Variants in TRAF5 observed in about 807,000 individuals in gnomAD.
TRAF5 encodes the protein TNF receptor-associated factor 5.
Under a neutral mutation model 64.5 loss-of-function variants are expected in TRAF5, and 48 were observed. That is an observed-to-expected ratio of 0.74 (90% CI 0.59 to 0.95). TRAF5 has a LOEUF of 0.95. Ranked by LOEUF, TRAF5 falls within the 40% of genes least tolerant of loss-of-function variation. The probability of loss-of-function intolerance (pLI) is 0.00; values close to 1 mark genes in which losing one functional copy is unlikely to be tolerated. For synonymous variants in TRAF5, 206 were observed against 240.5 expected (o/e 0.86, Z 1.33); for missense variants, 545 against 662.8 (o/e 0.82, Z 1.95).
intron 1 of TRAF5, among the ~76,000 whole-genome samples, chr1:211,331,416 G>A (rs936949780): frequency 1.3e-5 from 2 of 152,208 alleles, no homozygotes; most frequent in African/African-American, 4.8e-5. Flanking sequence ...CATAGTGTCT[G>A]TATTCCCACT....
intron 7 of TRAF5, 101 bp downstream of exon 7, chr1:211,361,263 C>T (rs563287022): frequency 4.9e-5 from 52 of 1,058,844 alleles, no homozygotes; most frequent in Non-Finnish European, 5.1e-5. Context: ...GAAAGACATA[C>T]AGTTCTGAGA....
chr1:211,326,770 C>T (rs571265953), upstream of TRAF5: 3 of 984,824 alleles, frequency 3.0e-6, no homozygotes, highest in African/African-American at 5.3e-5. This position sits in a 1 kb window ranked among gnomAD's most constrained non-coding sequence, Gnocchi z 5.0. Context: ...CGCGCCCCTC[C>T]GCCCGCGCCC....
At chr1:211,364,858 T>C (rs1703298401) in intron 7 of TRAF5, among the ~76,000 whole-genome samples, 1 of 152,062 alleles carries the variant, frequency 6.6e-6, no homozygotes. Flanking sequence ...CCTGATTCTC[T>C]GTCTCATGGA....
intron 1 of TRAF5, among the ~76,000 whole-genome samples, chr1:211,348,425 A>C (rs1572067922): frequency 6.6e-6 from 1 of 152,234 alleles, no homozygotes; most frequent in East Asian, 1.9e-4. Context: ...GGGGTCCTCC[A>C]TTAAAAAAAG....
At chr1:211,362,808 C>T (rs1408924432) in intron 7 of TRAF5, among the ~76,000 whole-genome samples, 3 of 152,036 alleles carry the variant, frequency 2.0e-5, no homozygotes, top group African/African-American at 7.2e-5. Flanking sequence ...TTAAAAAATA[C>T]CATAAAGTCA....
chr1:211,361,478 G>A (rs577651994), intron 7 of TRAF5, among the ~76,000 whole-genome samples: 1 of 152,006 alleles, frequency 6.6e-6, no homozygotes, highest in Non-Finnish European at 1.5e-5. Flanking sequence ...TTTTCTTCAG[G>A]AAACCTTAGT....
chr1:211,334,218 T>C (rs571082512), intron 1 of TRAF5, among the ~76,000 whole-genome samples: 15 of 152,304 alleles, frequency 9.8e-5, no homozygotes, highest in African/African-American at 3.1e-4. Context: ...CAGCAGTGCA[T>C]TGTGACAGCA....
At chr1:211,347,681 A>G (rs139850924) in intron 1 of TRAF5, among the ~76,000 whole-genome samples, 10 of 152,334 alleles carry the variant, frequency 6.6e-5, no homozygotes, top group Non-Finnish European at 1.2e-4. Context: ...TGAGAGTCAC[A>G]TGTGCTGTGT....
intron 7 of TRAF5, among the ~76,000 whole-genome samples, chr1:211,362,691 G>A (rs958258103): frequency 8.1e-4 from 123 of 151,720 alleles, no homozygotes; most frequent in African/African-American, 2.9e-3. Flanking sequence ...ATAAACAAAC[G>A]AAAAAACCCC....
At chr1:211,344,111 G>A (rs1233665535) in intron 1 of TRAF5, among the ~76,000 whole-genome samples, 1 of 152,174 alleles carries the variant, frequency 6.6e-6, no homozygotes, top group Non-Finnish European at 1.5e-5. Flanking sequence ...TCCACTAAAG[G>A]CATCTCTGTA....
intron 1 of TRAF5, among the ~76,000 whole-genome samples, chr1:211,344,587 G>A (rs984623158): frequency 6.6e-6 from 1 of 152,124 alleles, no homozygotes; most frequent in Non-Finnish European, 1.5e-5. Flanking sequence ...CAAGGCCTTC[G>A]TCTTTGACCT....
At chr1:211,341,217 G>A (rs1702440395) in intron 1 of TRAF5, among the ~76,000 whole-genome samples, 1 of 152,196 alleles carries the variant, frequency 6.6e-6, no homozygotes, top group Non-Finnish European at 1.5e-5. Context: ...GCAGAAGGCT[G>A]ACCTAGCTTT....
intron 1 of TRAF5, among the ~76,000 whole-genome samples, chr1:211,341,320 G>C (rs1347642997): frequency 6.6e-6 from 1 of 152,164 alleles, no homozygotes; most frequent in African/African-American, 2.4e-5. Context: ...GAACCCTAGG[G>C]CCAAGGGATC....
intron 1 of TRAF5, among the ~76,000 whole-genome samples, chr1:211,343,401 C>T (rs1702499899): frequency 6.6e-6 from 1 of 151,980 alleles, no homozygotes; most frequent in Non-Finnish European, 1.5e-5. Flanking sequence ...CCTCCATTTC[C>T]TCATTTTAAA....
At chr1:211,346,563 C>A in intron 1 of TRAF5, 1 of 370,704 alleles carries the variant, frequency 2.7e-6, no homozygotes, top group Non-Finnish European at 3.7e-6. Flanking sequence ...GTCTTATGCA[C>A]TATAACATAA....
intron 7 of TRAF5, among the ~76,000 whole-genome samples, chr1:211,363,473 T>G (rs1703250670): frequency 6.6e-6 from 1 of 152,208 alleles, no homozygotes; most frequent in Non-Finnish European, 1.5e-5. Context: ...CTGGTAAAAC[T>G]AGGAAAGTGG....
intron 1 of TRAF5, among the ~76,000 whole-genome samples, chr1:211,327,715 C>A (rs1160626907): frequency 6.6e-6 from 1 of 152,234 alleles, no homozygotes; most frequent in Non-Finnish European, 1.5e-5. Flanking sequence ...TGCTAAGTTT[C>A]CATATTTGGG....
At chr1:211,362,815 G>A (rs1322254914) in intron 7 of TRAF5, among the ~76,000 whole-genome samples, 2 of 152,006 alleles carry the variant, frequency 1.3e-5, no homozygotes, top group African/African-American at 4.8e-5. Context: ...ATACCATAAA[G>A]TCAAATAGCA....
At position 211,373,397 on chromosome 1, in the gene TRAF5, A is replaced by C. The variant is rs1440136136; in HGVS notation, c.*695A>C. 1.3e-5 allele frequency: 2 copies of C among 152,158 alleles called. No homozygotes were observed. Among genetic ancestry groups the C allele is most frequent in the Non-Finnish European group, 1.5e-5 (1 of 68,018 alleles). 9.4% of individuals were successfully genotyped at this position (152,158 alleles called of 1,614,324 possible). On this transcript the variant is annotated 3_prime_UTR_variant, in exon 11 of 11. Transcript: ENST00000261464. Reference sequence around the variant, plus strand: ...ATATGAGATATAGCCAGCTAGCTAAAGTTCAGATTTTGTTAGGTTCAACCC... The same window carrying C: ...ATATGAGATATAGCCAGCTAGCTAACGTTCAGATTTTGTTAGGTTCAACCC...
Sources: allele counts gnomAD v4.1 joint callset (sites outside exome capture counted in the v4.1 genomes callset), GRCh38; gene constraint gnomAD v4.1.1; non-coding constraint Gnocchi (gnomAD v3.1); transcripts MANE v1.5; gene names NCBI Gene and HGNC (gene_info 2026-07-23, HGNC 2026-07-21).